The following HRK variants were observed in gnomAD, a reference collection of about 807,000 sequenced individuals.
HRK encodes harakiri, BCL2 interacting protein.
A neutral mutation model predicts 5.9 loss-of-function variants in HRK; 6 were observed. That is an observed-to-expected ratio of 1.02 (90% CI 0.56 to 2.01). The LOEUF (loss-of-function observed/expected upper bound fraction) is 2.01, where lower values mean the gene tolerates loss of function less well. Ranked by LOEUF, HRK falls within the 30% of genes most tolerant of loss-of-function variation. HRK has a pLI of 0.00. For missense variants in HRK, 133 were observed against 128.3 expected, an observed-to-expected ratio of 1.04 and a Z score of -0.18; for synonymous variants, 85 against 65.1, an observed-to-expected ratio of 1.31 and a Z score of -1.47.
At position 116,859,906 on chromosome 12, in the gene HRK, C is replaced by G. The variant is rs926031725; in HGVS notation, c.*1617G>C. 1.3e-5 allele frequency: 2 copies of G among 152,140 alleles called. No homozygotes were observed. Among genetic ancestry groups the G allele is most frequent in the East Asian group, 3.8e-4 (2 of 5,196 alleles). The allele number at this position is 152,140 out of a possible 1,614,324, so 9.4% of individuals were successfully genotyped here. ...CGCATCCACCTTAACAAATGTGGAT[C>G]CCACTGCTGGCTTCTTAGAACTGTA... On this transcript the variant is annotated 3_prime_UTR_variant, in exon 2 of 2. Transcript: ENST00000257572.
intron 1 of HRK, among the ~76,000 whole-genome samples, chr12:116,866,558 A>G (rs944641194): frequency 4.6e-5 from 7 of 152,172 alleles, no homozygotes; most frequent in Admixed American, 4.6e-4. Flanking sequence ...AGCTGAAAAG[A>G]TGGCTAGGTT....
Position 116,858,578 on chromosome 12 carries a change from A to T in HRK, c.*2945T>A, listed in dbSNP as rs1189903669. ...GGCCTCCCTCTGCTTGTACGGTCAC[A>T]CACACACACACACACACACACACAC... On this transcript the variant is annotated 3_prime_UTR_variant, in exon 2 of 2. Coordinates refer to ENST00000257572, the MANE Select transcript of HRK (RefSeq NM_003806.4). The T allele has an allele frequency of 6.2e-5, 1 of 16,204 alleles. No individual in the cohort carries two copies. Among genetic ancestry groups the T allele is most frequent in the Non-Finnish European group, 9.5e-5 (1 of 10,504 alleles). The allele number at this position is 16,204 out of a possible 1,614,324, so 1.0% of individuals were successfully genotyped here.
At chr12:116,876,683 G>C (rs1878944364) in intron 1 of HRK, 1 of 136,742 alleles carries the variant, frequency 7.3e-6, no homozygotes, top group Non-Finnish European at 1.6e-5. Context: ...CCGCCAGCCA[G>C]CACTCACCAT....
Position 116,857,024 on chromosome 12 carries a change from C to T in HRK, c.*4499G>A, listed in dbSNP as rs996962271. The T allele has an allele frequency of 2.6e-5, 4 of 152,234 alleles. No individual in the cohort carries two copies. The highest frequency in any genetic ancestry group is 6.5e-5 in the Admixed American group (1 of 15,284). The allele number at this position is 152,234 out of a possible 1,614,324, so 9.4% of individuals were successfully genotyped here. A position where few individuals can be genotyped will look rare whatever the true frequency, so the allele number is the denominator to read the frequency against. ...CAGTCTGTTCATGCTGGAAATGAGT[C>T]GAGATTGCAGGCTTTTTAACTGCCT... On this transcript the variant is annotated 3_prime_UTR_variant, in exon 2 of 2. Transcript: ENST00000257572.
intron 1 of HRK, among the ~76,000 whole-genome samples, chr12:116,874,812 T>C (rs1019182316): frequency 6.6e-6 from 1 of 152,126 alleles, no homozygotes; most frequent in African/African-American, 2.4e-5. Context: ...GCTGCTCCAA[T>C]TGACAGCCCC....
intron 1 of HRK, among the ~76,000 whole-genome samples, chr12:116,866,701 A>G (rs891878327): frequency 1.3e-5 from 2 of 152,152 alleles, no homozygotes; most frequent in Non-Finnish European, 2.9e-5. Context: ...CTTAAAGTCT[A>G]TGGAGAGAGA....
At chr12:116,874,461 A>G (rs564507765) in intron 1 of HRK, among the ~76,000 whole-genome samples, 1 of 152,134 alleles carries the variant, frequency 6.6e-6, no homozygotes, top group African/African-American at 2.4e-5. Context: ...CTATTGTGTT[A>G]CCTTTGTGTA....
intron 1 of HRK, among the ~76,000 whole-genome samples, chr12:116,877,532 G>A (rs1369268483): frequency 6.6e-6 from 1 of 152,196 alleles, no homozygotes; most frequent in Non-Finnish European, 1.5e-5. Flanking sequence ...GACCCTTCTG[G>A]CACTGACTTC....
Position 116,881,296 on chromosome 12 carries a change from G to T in HRK, c.12C>A (p.Cys4Ter). The change falls in exon 1 of 2, where the codon TGC becomes TGA. Residue 4 changes from cysteine to a stop codon, truncating the protein, a stop_gained. Coordinates refer to ENST00000257572, the MANE Select transcript of HRK (RefSeq NM_003806.4). LOFTEE classifies it high-confidence loss of function. ...GGGGGCCGCGGCCGCGGTGCAGGGGGCACGGGCACATGACCGCTGGCCTCG... is the reference window on the plus strand; with the variant it reads ...GGGGGCCGCGGCCGCGGTGCAGGGGTCACGGGCACATGACCGCTGGCCTCG... The part of the protein sequence containing the change: MCP[C>*]PLHRGRGPPA... 3 of 1,070,604 alleles carry T rather than the reference G, an allele frequency of 2.8e-6. No homozygotes were observed. The highest frequency in any genetic ancestry group is 3.4e-6 in the Non-Finnish European group (3 of 886,780). The allele number at this position is 1,070,604 out of a possible 1,614,324, so 66.3% of individuals were successfully genotyped here. A position where few individuals can be genotyped will look rare whatever the true frequency, so the allele number is the denominator to read the frequency against.
intron 1 of HRK, among the ~76,000 whole-genome samples, chr12:116,863,632 T>C (rs916871767): frequency 3.9e-5 from 6 of 152,034 alleles, no homozygotes; most frequent in Admixed American, 1.3e-4. Context: ...CATAAACACA[T>C]GGACCCCATA....
At chr12:116,871,730 C>T (rs568333924) in intron 1 of HRK, among the ~76,000 whole-genome samples, 8 of 149,778 alleles carry the variant, frequency 5.3e-5, no homozygotes, top group Non-Finnish European at 1.0e-4. Flanking sequence ...TGGGCTCAAG[C>T]GATCCTCCCA....
At chr12:116,866,390 CAAAAAAAAAA>C (rs965013066) in intron 1 of HRK, among the ~76,000 whole-genome samples, 1 of 54,830 alleles carries the variant, frequency 1.8e-5, no homozygotes, top group Admixed American at 2.1e-4. Flanking sequence ...GACCCTGTCT[CAAAAAAAAAA>C]AAAAAAAAAG....
intron 1 of HRK, among the ~76,000 whole-genome samples, chr12:116,873,655 G>A (rs1288411529): frequency 3.3e-5 from 5 of 152,138 alleles, no homozygotes; most frequent in Non-Finnish European, 5.9e-5. Flanking sequence ...TTACAGGCAT[G>A]AGCCACCACA....
At chr12:116,872,035 G>A (rs1453685984) in intron 1 of HRK, among the ~76,000 whole-genome samples, 3 of 151,920 alleles carry the variant, frequency 2.0e-5, no homozygotes, top group Non-Finnish European at 4.4e-5. Flanking sequence ...ACTTCACAAT[G>A]ATGGATGGGG....
intron 1 of HRK, among the ~76,000 whole-genome samples, chr12:116,875,855 G>A (rs1397569537): frequency 1.3e-5 from 2 of 152,108 alleles, no homozygotes; most frequent in African/African-American, 4.8e-5. Flanking sequence ...ATGTTGCATA[G>A]TTTCTGATTC....
At chr12:116,866,661 T>C (rs1878557875) in intron 1 of HRK, among the ~76,000 whole-genome samples, 1 of 152,130 alleles carries the variant, frequency 6.6e-6, no homozygotes, top group South Asian at 2.1e-4. Flanking sequence ...TGAACAGTTA[T>C]CAATGCTATC....
rs982704693 is a variant in HRK at position 116,862,562 on chromosome 12, G to A, written c.*57-1096C>T. On this transcript the variant is annotated intron_variant, in intron 1 of 1. Coordinates refer to ENST00000257572, the MANE Select transcript of HRK (RefSeq NM_003806.4). The surrounding 1 kb of genome is among the most constrained non-coding windows in gnomAD (Gnocchi z 4.0). ...AATGGTGGTTGCCTAGGGCCGGGGCGGATAGGAGGAATTGGGGAGTGATAC... is the reference window on the plus strand; with the variant it reads ...AATGGTGGTTGCCTAGGGCCGGGGCAGATAGGAGGAATTGGGGAGTGATAC... Among the ~76,000 whole-genome samples the A allele has an allele frequency of 3.3e-5, 5 of 152,126 alleles. No individual in the cohort carries two copies. The East Asian group carries it at 5.8e-4, about 18-fold the overall frequency.
intron 1 of HRK, among the ~76,000 whole-genome samples, chr12:116,868,742 T>C (rs1175906008): frequency 6.6e-6 from 1 of 152,210 alleles, no homozygotes; most frequent in Non-Finnish European, 1.5e-5. Flanking sequence ...AAAATAGGCA[T>C]GGCGGTTTGC....
In HRK at chr12:116,878,850, G is replaced by C. The variant is rs1238101102; in HGVS notation, c.*56+2126C>G. 6.6e-6 allele frequency among the ~76,000 whole-genome samples: 1 copy of C among 152,294 alleles called. No individual in the cohort carries two copies. The highest frequency in any genetic ancestry group is 1.9e-4 in the East Asian group (1 of 5,188). ...CGGAAGTAACTCTGGGGTAGAAGGCGAGGGCGGGGCGGGGGAAATAAACTC... is the reference window on the plus strand; with the variant it reads ...CGGAAGTAACTCTGGGGTAGAAGGCCAGGGCGGGGCGGGGGAAATAAACTC... On this transcript the variant is annotated intron_variant, in intron 1 of 1. Coordinates refer to ENST00000257572, the MANE Select transcript of HRK (RefSeq NM_003806.4). The surrounding 1 kb of genome is among the most constrained non-coding windows in gnomAD (Gnocchi z 4.4).
Sources: allele counts gnomAD v4.1 joint callset (sites outside exome capture counted in the v4.1 genomes callset), GRCh38; gene constraint gnomAD v4.1.1; non-coding constraint Gnocchi (gnomAD v3.1); transcripts MANE v1.5; gene names NCBI Gene and HGNC (gene_info 2026-07-23, HGNC 2026-07-21).